Variants in PGM2 observed in about 807,000 individuals in gnomAD.
The protein encoded by PGM2 is phosphopentomutase.
In PGM2, 57 loss-of-function variants were observed where a neutral mutation model predicts 74.6. The observed-to-expected ratio is 0.76, with a 90% CI of 0.62 to 0.95. The LOEUF (loss-of-function observed/expected upper bound fraction) is 0.95, where lower values mean the gene tolerates loss of function less well. Among genes scored for constraint, PGM2 ranks in the 40% least tolerant of loss-of-function variants. PGM2 has a pLI of 0.00. For synonymous variants in PGM2, 273 were observed against 260.7 expected (o/e 1.05, Z -0.46); for missense variants, 706 against 741.9 (o/e 0.95, Z 0.56).
chr4:37,837,791 T>C (rs1725606184), intron 4 of PGM2, among the ~76,000 whole-genome samples, 178 bp downstream of exon 4: 2 of 152,186 alleles, frequency 1.3e-5, no homozygotes. Flanking sequence ...TAGTAATATT[T>C]CTCTGGTATT....
intron 11 of PGM2, among the ~76,000 whole-genome samples, chr4:37,849,620 G>A (rs1725979628): frequency 6.6e-6 from 1 of 151,768 alleles, no homozygotes; most frequent in Non-Finnish European, 1.5e-5. Flanking sequence ...TATTGGCCAG[G>A]CTGGTCTCAA....
chr4:37,848,689 T>A, intron 11 of PGM2, 38 bp downstream of exon 11: 2 of 1,488,298 alleles, frequency 1.3e-6, no homozygotes, highest in Non-Finnish European at 1.9e-6. Flanking sequence ...GAAATAATAT[T>A]TTGAAATGTT....
intron 6 of PGM2, among the ~76,000 whole-genome samples, chr4:37,841,611 A>G (rs757011124): frequency 1.3e-5 from 2 of 152,148 alleles, no homozygotes; most frequent in African/African-American, 2.4e-5. Context: ...TCCTCTTCCC[A>G]AAATAACTGG....
chr4:37,829,992 G>A lies in PGM2; in HGVS notation c.110G>A (p.Arg37Gln), dbSNP rs774246926. The change falls in exon 2 of 14, where the codon CGA (arginine) becomes CAA (glutamine). Residue 37 changes from arginine to glutamine, a missense_variant. By Grantham distance (43) the Arg-to-Gln change is conservative (BLOSUM62 1). Around this residue, in one of 3 missense-constraint regions of PGM2, gnomAD observed 332 missense variants for 334.9 expected, o/e 0.99. Transcript: ENST00000381967. ...TCCTTAACTTTGGAGGCAGTGAAACGACTAATAGCAGAAGGTAATAAAGAA... is the reference window on the plus strand; with the variant it reads ...TCCTTAACTTTGGAGGCAGTGAAACAACTAATAGCAGAAGGTAATAAAGAA... ...KNSLTLEAVK[R>Q]LIAEGNKEEL... 24 of 1,604,450 alleles carry A rather than the reference G, an allele frequency of 1.5e-5. No individual in the cohort carries two copies. In the African/African-American group the frequency reaches 2.4e-4, roughly 16 times the overall value.
Position 37,857,834 on chromosome 4 carries a change from G to A in PGM2, c.1736+2093G>A, listed in dbSNP as rs1402708623. ...TATTGTAATATTATGCAAGAATCTT[G>A]TTTTCGTGTGCATTAGATAGTAAGC... On this transcript the variant is annotated intron_variant, in intron 13 of 13. Transcript: ENST00000381967. 2.0e-5 allele frequency among the ~76,000 whole-genome samples: 3 copies of A among 152,134 alleles called. No homozygotes were observed. In the East Asian group the frequency reaches 5.8e-4, roughly 29 times the overall value.
chr4:37,839,395 G>A (rs927133149), intron 4 of PGM2: 56 of 366,680 alleles, frequency 1.5e-4, no homozygotes, highest in African/African-American at 8.5e-4. Context: ...GATTACAGGC[G>A]TGAGACACCA....
intron 6 of PGM2, among the ~76,000 whole-genome samples, chr4:37,841,752 G>A (rs779936854): frequency 2.2e-4 from 34 of 152,226 alleles, no homozygotes; most frequent in Non-Finnish European, 4.1e-4. Flanking sequence ...CACGAAGAAT[G>A]AGGCATTTCT....
rs565494422 is a variant in PGM2, at chr4:37,840,106, A to G, written c.566A>G (p.Asp189Gly). ...GGAGCTCAGATCATTTCTCCTCACGATAAAGGGATTTCTCAAGCTATTGAA... is the reference window on the plus strand; with the variant it reads ...GGAGCTCAGATCATTTCTCCTCACGGTAAAGGGATTTCTCAAGCTATTGAA... ...DNGAQIISPHDKGISQAIEEN... is the reference protein window; with the variant it reads ...DNGAQIISPHGKGISQAIEEN... The change falls in exon 6 of 14, where the codon GAT (aspartate) becomes GGT (glycine). Residue 189 changes from aspartate to glycine, a missense_variant. Transcript: ENST00000381967. 5 of 1,614,016 alleles carry G rather than the reference A, an allele frequency of 3.1e-6. No individual in the cohort carries two copies. The South Asian group carries it at 4.4e-5, about 14-fold the overall frequency.
At chr4:37,835,930 G>GT (rs1725556366) in intron 3 of PGM2, among the ~76,000 whole-genome samples, 1 of 152,240 alleles carries the variant, frequency 6.6e-6, no homozygotes, top group Admixed American at 6.5e-5. Context: ...GAATGATGTG[G>GT]TATAAACCAG....
chr4:37,860,563 C>T lies in PGM2; in HGVS notation c.1737-947C>T, dbSNP rs148439382. The stretch of plus-strand genomic sequence containing the variant: ...TCTACAATGAAATGGATTGCTTTAG[C>T]TATTACAGTACTGTTTAGCTATTAC... On this transcript the variant is annotated intron_variant, in intron 13 of 13. Coordinates refer to ENST00000381967, the MANE Select transcript of PGM2 (RefSeq NM_018290.4). Among the ~76,000 whole-genome samples, 16 of 152,284 alleles carry T rather than the reference C, an allele frequency of 1.1e-4. No individual in the cohort carries two copies. In the East Asian group the frequency reaches 3.1e-3, roughly 29 times the overall value.
rs1343426613 is a variant in PGM2 at position 37,861,435 on chromosome 4, G to A, written c.1737-75G>A. Reference sequence around the variant, plus strand: ...AAGGTTATATTTTCATTGTCACTTGGTCAATGGGGGGAGCATTTAAACTGT... The same window carrying A: ...AAGGTTATATTTTCATTGTCACTTGATCAATGGGGGGAGCATTTAAACTGT... On this transcript the variant is annotated intron_variant, in intron 13 of 13. Coordinates refer to ENST00000381967, the MANE Select transcript of PGM2 (RefSeq NM_018290.4). 4.4e-6 allele frequency: 4 copies of A among 912,822 alleles called. No homozygotes were observed. The East Asian group carries it at 7.3e-5, about 17-fold the overall frequency. The allele number at this position is 912,822 out of a possible 1,614,324, so 56.5% of individuals were successfully genotyped here.
intron 8 of PGM2, among the ~76,000 whole-genome samples, chr4:37,845,996 C>A (rs1725860048): frequency 6.6e-6 from 1 of 152,128 alleles, no homozygotes; most frequent in Non-Finnish European, 1.5e-5. Context: ...TTGGGAACTT[C>A]TCATTTTGTA....
At chr4:37,859,237 C>G (rs751091299) in intron 13 of PGM2, among the ~76,000 whole-genome samples, 13 of 152,164 alleles carry the variant, frequency 8.5e-5, no homozygotes, top group Non-Finnish European at 1.9e-4. Flanking sequence ...TGCTTCACTC[C>G]TGATATTTCA....
intron 1 of PGM2, among the ~76,000 whole-genome samples, chr4:37,827,030 G>A (rs1261127168): frequency 6.6e-6 from 1 of 152,278 alleles, no homozygotes; most frequent in Non-Finnish European, 1.5e-5. Context: ...CTTGTCCCCG[G>A]ACGAAACCAG....
intron 6 of PGM2, among the ~76,000 whole-genome samples, chr4:37,841,100 A>ATATGTGTGTG (rs1202149456): frequency 1.2e-3 from 137 of 115,744 alleles, no homozygotes; most frequent in African/African-American, 4.5e-3. Flanking sequence ...ATATATATAT[A>ATATGTGTGTG]TGTGTGTGTG....
chr4:37,858,746 C>G (rs1304225332), intron 13 of PGM2, among the ~76,000 whole-genome samples: 1 of 152,128 alleles, frequency 6.6e-6, no homozygotes, highest in East Asian at 1.9e-4. Context: ...CATAGAATTT[C>G]ATGGCCTTCT....
At chr4:37,835,511 G>T (rs575077989) in intron 3 of PGM2, among the ~76,000 whole-genome samples, 1 of 152,292 alleles carries the variant, frequency 6.6e-6, no homozygotes, top group South Asian at 2.1e-4. Flanking sequence ...ACCCCTGCCC[G>T]TAACCATGTT....
intron 6 of PGM2, among the ~76,000 whole-genome samples, 174 bp downstream of exon 6, chr4:37,840,433 G>C (rs1725678028): frequency 6.6e-6 from 1 of 152,042 alleles, no homozygotes; most frequent in Admixed American, 6.6e-5. Flanking sequence ...ACCCAGGCTG[G>C]AGTGCAGTGG....
rs894299590 is a variant in PGM2 at position 37,861,922 on chromosome 4, A to G, written c.*310A>G. 2.0e-5 allele frequency: 5 copies of G among 253,184 alleles called. No homozygotes were observed. Among genetic ancestry groups the G allele is most frequent in the Middle Eastern group, 1.5e-3 (1 of 670 alleles). 15.7% of individuals were successfully genotyped at this position (253,184 alleles called of 1,614,324 possible). On this transcript the variant is annotated 3_prime_UTR_variant, in exon 14 of 14. Transcript: ENST00000381967. ...TGATGTGCCTTAATTTGCATAAATC[A>G]TAAATGTATGTCCTCTCTGTAATTG...
Sources: gnomAD v4.1 joint callset for allele counts (sites outside exome capture counted in the v4.1 genomes callset) on GRCh38, gnomAD v4.1.1 for gene constraint, gnomAD v4.1.1 regional missense constraint, MANE v1.5 for transcripts, NCBI Gene and HGNC (gene_info 2026-07-23, HGNC 2026-07-21) for gene names.